Variants in TMTC2 observed in about 807,000 individuals in gnomAD.
TMTC2 encodes the protein transmembrane O-mannosyltransferase targeting cadherins 2, also known as protein O-mannosyl-transferase TMTC2.
A neutral mutation model predicts 82.4 loss-of-function variants in TMTC2; 43 were observed. The ratio of observed to expected loss-of-function variants is 0.52; its 90% CI spans 0.41 to 0.67. The LOEUF is 0.67. Ranked by LOEUF, TMTC2 falls within the 30% of genes least tolerant of loss-of-function variation. TMTC2 has a pLI of 0.00. For missense variants in TMTC2, 919 were observed against 1,012.4 expected (o/e 0.91, Z 1.25); for synonymous variants, 408 against 381.9 (o/e 1.07, Z -0.80).
At chr12:83,079,760 G>A (rs1170016993) in intron 11 of TMTC2, among the ~76,000 whole-genome samples, 2 of 152,016 alleles carry the variant, frequency 1.3e-5, no homozygotes, top group African/African-American at 4.8e-5. Flanking sequence ...CATTTCTGTA[G>A]GTCACTCTAC....
chr12:82,941,304 C>T (rs1876705827), intron 4 of TMTC2, among the ~76,000 whole-genome samples: 1 of 152,162 alleles, frequency 6.6e-6, no homozygotes, highest in Non-Finnish European at 1.5e-5. Flanking sequence ...TGACACCACA[C>T]CTGGCTCAGT....
intron 10 of TMTC2, among the ~76,000 whole-genome samples, chr12:83,051,970 G>A (rs900206948): frequency 6.6e-6 from 1 of 152,006 alleles, no homozygotes; most frequent in Non-Finnish European, 1.5e-5. Context: ...TGTTTAAAAA[G>A]CATTATTTGT....
At chr12:82,926,045 G>A (rs1015193012) in intron 3 of TMTC2, among the ~76,000 whole-genome samples, 5 of 149,964 alleles carry the variant, frequency 3.3e-5, no homozygotes, top group African/African-American at 7.4e-5. Context: ...GCAGTGGTGC[G>A]ATCTCGGCTC....
At chr12:83,032,245 A>G (rs1410114155) in intron 9 of TMTC2, among the ~76,000 whole-genome samples, 2 of 138,282 alleles carry the variant, frequency 1.4e-5, no homozygotes, top group Non-Finnish European at 3.1e-5. Context: ...CTATAATATT[A>G]TAGAGAATAT....
At chr12:82,779,774 C>A (rs1351563967) in intron 1 of TMTC2, among the ~76,000 whole-genome samples, 1 of 152,082 alleles carries the variant, frequency 6.6e-6, no homozygotes, top group African/African-American at 2.4e-5. Context: ...GTGGCATGCT[C>A]CTGTAGTCCC....
chr12:82,967,404 A>G (rs1878260369), intron 7 of TMTC2, among the ~76,000 whole-genome samples: 1 of 140,016 alleles, frequency 7.1e-6, no homozygotes, highest in African/African-American at 2.9e-5. Flanking sequence ...TCAGAGTAAT[A>G]TTAATAATAA....
chr12:83,037,074 C>T (rs890983361), intron 9 of TMTC2, among the ~76,000 whole-genome samples: 2 of 152,156 alleles, frequency 1.3e-5, no homozygotes, highest in Admixed American at 6.5e-5. Context: ...CCATCATCAC[C>T]ATATTGAGGA....
At chr12:83,043,216 A>T (rs992790214) in intron 9 of TMTC2, among the ~76,000 whole-genome samples, 2 of 152,192 alleles carry the variant, frequency 1.3e-5, no homozygotes, top group African/African-American at 4.8e-5. Flanking sequence ...ATTTTTAATT[A>T]TCTCAGAGAA....
chr12:82,879,985 G>T (rs952315033), intron 2 of TMTC2, among the ~76,000 whole-genome samples: 5 of 152,120 alleles, frequency 3.3e-5, no homozygotes, highest in African/African-American at 4.8e-5. Flanking sequence ...AATTCATTAG[G>T]CAATTATACA....
intron 9 of TMTC2, among the ~76,000 whole-genome samples, chr12:83,039,815 T>C (rs1434822693): frequency 6.6e-6 from 1 of 152,232 alleles, no homozygotes; most frequent in Non-Finnish European, 1.5e-5. Context: ...AGTTTTATTA[T>C]AGCTCTTCCA....
intron 8 of TMTC2, among the ~76,000 whole-genome samples, chr12:83,009,184 G>A (rs953762546): frequency 1.3e-5 from 2 of 152,174 alleles, no homozygotes; most frequent in African/African-American, 4.8e-5. Flanking sequence ...CTGGAGAATA[G>A]GCCTCTGTTA....
chr12:82,878,878 T>C, intron 2 of TMTC2, among the ~76,000 whole-genome samples: 1 of 152,058 alleles, frequency 6.6e-6, no homozygotes, highest in East Asian at 1.9e-4. Flanking sequence ...TCTCTAAAAA[T>C]AAATAAATAG....
At chr12:82,994,629 TA>T (rs796451657) in intron 8 of TMTC2, among the ~76,000 whole-genome samples, 6,826 of 123,818 alleles carry the variant, frequency 0.055, 468 homozygotes, top group African/African-American at 0.17. Context: ...CTTACAGAAC[TA>T]AAAAAAAAAA....
intron 11 of TMTC2, among the ~76,000 whole-genome samples, chr12:83,077,357 C>G (rs1485603093): frequency 6.6e-6 from 1 of 152,078 alleles, no homozygotes; most frequent in Non-Finnish European, 1.5e-5. Flanking sequence ...TTGCCCGGTT[C>G]TCCCCTAGTG....
At chr12:82,695,233 A>G (rs1013727868) in intron 1 of TMTC2, among the ~76,000 whole-genome samples, 3 of 152,244 alleles carry the variant, frequency 2.0e-5, no homozygotes, top group African/African-American at 7.2e-5. Context: ...AGTGCAGTTC[A>G]TAAGTTTATT....
chr12:82,856,573 C>T (rs1318228515), intron 1 of TMTC2, among the ~76,000 whole-genome samples: 1 of 152,120 alleles, frequency 6.6e-6, no homozygotes, highest in Admixed American at 6.5e-5. Flanking sequence ...CACTGATATT[C>T]CCTGTAAAAT....
rs377360468 is a variant in TMTC2, at chr12:83,102,307, A to G, written c.2332-29903A>G. On this transcript the variant is annotated intron_variant, in intron 11 of 11. Coordinates refer to ENST00000321196, the MANE Select transcript of TMTC2 (RefSeq NM_152588.3). ...AAGGAACAAATATATTTAGTCTGTGAAGTAGTAGTGCCTGTGCTCAAATAG... is the reference window on the plus strand; with the variant it reads ...AAGGAACAAATATATTTAGTCTGTGGAGTAGTAGTGCCTGTGCTCAAATAG... 1.4e-4 allele frequency among the ~76,000 whole-genome samples: 21 copies of G among 152,262 alleles called. No homozygotes were observed. The East Asian group carries it at 3.5e-3, about 25-fold the overall frequency.
intron 4 of TMTC2, among the ~76,000 whole-genome samples, chr12:82,939,489 T>A (rs1876586328): frequency 6.6e-6 from 1 of 152,138 alleles, no homozygotes. Flanking sequence ...TATTTTTGCT[T>A]CTTTGTTTAG....
chr12:82,983,695 C>G (rs1470226892), intron 7 of TMTC2, among the ~76,000 whole-genome samples: 1 of 151,972 alleles, frequency 6.6e-6, no homozygotes, highest in Non-Finnish European at 1.5e-5. Flanking sequence ...CTTTTTTAAA[C>G]TGGCCTATAA....
Sources: allele counts gnomAD v4.1 joint callset (sites outside exome capture counted in the v4.1 genomes callset), GRCh38; gene constraint gnomAD v4.1.1; transcripts MANE v1.5; gene names NCBI Gene and HGNC (gene_info 2026-07-23, HGNC 2026-07-21).